ZNF385B: variants seen among roughly 807,000 people sequenced by gnomAD.
ZNF385B encodes the protein zinc finger protein 533.
In ZNF385B, 23 loss-of-function variants were observed where a neutral mutation model predicts 39.2. The ratio of observed to expected loss-of-function variants is 0.59; its 90% CI spans 0.42 to 0.83. The LOEUF is 0.83. Ranked by LOEUF, ZNF385B falls within the 40% of genes least tolerant of loss-of-function variation. ZNF385B has a pLI of 0.00. For synonymous variants in ZNF385B, 205 were observed against 222.6 expected (o/e 0.92, Z 0.70); for missense variants, 552 against 598.9 (o/e 0.92, Z 0.82).
chr2:179,734,070 T>C (rs1336454437), intron 3 of ZNF385B, among the ~76,000 whole-genome samples: 2 of 152,208 alleles, frequency 1.3e-5, no homozygotes, highest in African/African-American at 4.8e-5. Context: ...TTATTCCATA[T>C]CAGTTCTTAC....
intron 6 of ZNF385B, among the ~76,000 whole-genome samples, chr2:179,456,130 A>G (rs2050681912): frequency 6.6e-6 from 1 of 152,228 alleles, no homozygotes; most frequent in Admixed American, 6.5e-5. Context: ...GAATTCATAT[A>G]TTCAATAAAC....
chr2:179,713,493 C>T (rs183332791), intron 3 of ZNF385B, among the ~76,000 whole-genome samples: 147 of 152,264 alleles, frequency 9.7e-4, no homozygotes, highest in African/African-American at 3.3e-3. Context: ...TAACTATTCC[C>T]TCTCCCTGTA....
intron 3 of ZNF385B, among the ~76,000 whole-genome samples, chr2:179,564,429 G>A (rs1295715575): frequency 6.6e-6 from 1 of 152,124 alleles, no homozygotes; most frequent in African/African-American, 2.4e-5. Flanking sequence ...ATCACCTTGA[G>A]TTAGTTAATA....
At position 179,808,149 on chromosome 2, in the gene ZNF385B, T is replaced by C. The variant is rs182890691; in HGVS notation, c.-154-37477A>G. On this transcript the variant is annotated intron_variant, in intron 1 of 9. Coordinates refer to ENST00000410066, the MANE Select transcript of ZNF385B (RefSeq NM_152520.6). ...CCAGGTTCACGCCATTCTCCTGCCT[T>C]AGCCTCCCCAGCAGCTGGGACTACA... 5.2e-3 allele frequency among the ~76,000 whole-genome samples: 797 copies of C among 151,810 alleles called. 3 individuals are homozygous for C. The highest frequency in any genetic ancestry group is 0.014 in the African/African-American group (572 of 41,476).
At chr2:179,517,260 T>G (rs2058157042) in intron 5 of ZNF385B, among the ~76,000 whole-genome samples, 1 of 151,946 alleles carries the variant, frequency 6.6e-6, no homozygotes. Context: ...AGAAACAGCT[T>G]GCCATTTTCC....
intron 3 of ZNF385B, among the ~76,000 whole-genome samples, chr2:179,760,663 T>C (rs190951056): frequency 2.7e-3 from 412 of 152,222 alleles, no homozygotes; most frequent in Middle Eastern, 0.014. Flanking sequence ...GCTAGGAATC[T>C]TGAGATGAGG....
In ZNF385B at chr2:179,671,358, GAAGA is replaced by G. The variant is rs756311260; in HGVS notation, c.298+98141_298+98144del. Among the ~76,000 whole-genome samples, 10 of 152,314 alleles carry G rather than the reference GAAGA, an allele frequency of 6.6e-5. No individual in the cohort carries two copies. The East Asian group carries it at 1.9e-3, about 29-fold the overall frequency. On this transcript the variant is annotated intron_variant, in intron 3 of 9. Coordinates refer to ENST00000410066, the MANE Select transcript of ZNF385B (RefSeq NM_152520.6). ...CTTGAGGGATTTTAGTAAAATGTGA[GAAGA>G]GAGAGCTAATTTAAAAATGGAATTA...
chr2:179,592,072 C>G (rs958318437), intron 3 of ZNF385B, among the ~76,000 whole-genome samples: 1 of 152,150 alleles, frequency 6.6e-6, no homozygotes, highest in Non-Finnish European at 1.5e-5. Context: ...ACCACTAAAC[C>G]TGCACATGCT....
intron 3 of ZNF385B, among the ~76,000 whole-genome samples, chr2:179,552,821 T>G (rs992472775): frequency 1.7e-4 from 26 of 149,386 alleles, no homozygotes; most frequent in South Asian, 6.5e-4. Context: ...AGAGATAACA[T>G]TTTTATAGAA....
chr2:179,687,399 A>G (rs1055644091), intron 3 of ZNF385B, among the ~76,000 whole-genome samples: 1 of 152,070 alleles, frequency 6.6e-6, no homozygotes, highest in Admixed American at 6.6e-5. Context: ...CTCTTCATTC[A>G]CATTATAAAC....
At chr2:179,663,636 G>C (rs1219247587) in intron 3 of ZNF385B, among the ~76,000 whole-genome samples, 2 of 150,582 alleles carry the variant, frequency 1.3e-5, no homozygotes, top group Non-Finnish European at 2.9e-5. Context: ...CGTGAACTCG[G>C]GAGGCGGAGC....
chr2:179,672,198 A>T (rs1268648571), intron 3 of ZNF385B, among the ~76,000 whole-genome samples: 1 of 152,214 alleles, frequency 6.6e-6, no homozygotes, highest in Admixed American at 6.5e-5. Flanking sequence ...GTTCTCACTC[A>T]GAATTTATCA....
At chr2:179,529,215 C>G (rs1244119444) in intron 4 of ZNF385B, among the ~76,000 whole-genome samples, 1 of 152,086 alleles carries the variant, frequency 6.6e-6, no homozygotes, top group African/African-American at 2.4e-5. Flanking sequence ...CCCAGACCAC[C>G]CTCAACCCCA....
intron 3 of ZNF385B, among the ~76,000 whole-genome samples, chr2:179,749,209 A>G (rs1702540161): frequency 1.3e-5 from 2 of 152,036 alleles, no homozygotes; most frequent in African/African-American, 4.8e-5. Context: ...CTTTCACATC[A>G]AGTCCATTAA....
At chr2:179,670,460 A>C (rs185803984) in intron 3 of ZNF385B, among the ~76,000 whole-genome samples, 175 of 152,296 alleles carry the variant, frequency 1.1e-3, no homozygotes, top group African/African-American at 3.9e-3. Flanking sequence ...ACTCAAGAGC[A>C]TGGATAGCAG....
chr2:179,793,247 C>A (rs1330414179), intron 1 of ZNF385B, among the ~76,000 whole-genome samples: 1 of 152,188 alleles, frequency 6.6e-6, no homozygotes, highest in Non-Finnish European at 1.5e-5. Context: ...CAGGCTCTTT[C>A]CACTGTACTC....
At chr2:179,653,072 T>A (rs1261304587) in intron 3 of ZNF385B, among the ~76,000 whole-genome samples, 1 of 152,128 alleles carries the variant, frequency 6.6e-6, no homozygotes, top group Non-Finnish European at 1.5e-5. Context: ...AAAGTAATGG[T>A]TATCTCTGTT....
chr2:179,590,147 G>T (rs1485654078), intron 3 of ZNF385B, among the ~76,000 whole-genome samples: 3 of 152,146 alleles, frequency 2.0e-5, no homozygotes, highest in Non-Finnish European at 4.4e-5. Flanking sequence ...TACCTCAGTG[G>T]GTTGTGCTCA....
intron 3 of ZNF385B, among the ~76,000 whole-genome samples, chr2:179,610,653 C>T (rs748342816): frequency 3.3e-5 from 5 of 152,106 alleles, no homozygotes; most frequent in Non-Finnish European, 7.4e-5. Context: ...GTAGTATGGA[C>T]ATCTTAACAA....
Sources: gnomAD v4.1 joint callset for allele counts (sites outside exome capture counted in the v4.1 genomes callset) on GRCh38, gnomAD v4.1.1 for gene constraint, MANE v1.5 for transcripts, NCBI Gene and HGNC (gene_info 2026-07-23, HGNC 2026-07-21) for gene names.